SLC14A2: variants seen among roughly 807,000 people sequenced by gnomAD.
SLC14A2 encodes urea transporter 2.
Under a neutral mutation model 104.6 loss-of-function variants are expected in SLC14A2, and 91 were observed. That is an observed-to-expected ratio of 0.87 (90% CI 0.73 to 1.04). The LOEUF is 1.04. Ranked by LOEUF, SLC14A2 falls within the 50% of genes least tolerant of loss-of-function variation. SLC14A2 has a pLI of 0.00. For synonymous variants in SLC14A2, 476 were observed against 466.4 expected (o/e 1.02, Z -0.27); for missense variants, 1,189 against 1,156.0 (o/e 1.03, Z -0.41).
At chr18:45,387,588 T>C (rs2085911962) in intron 1 of SLC14A2, among the ~76,000 whole-genome samples, 1 of 152,212 alleles carries the variant, frequency 6.6e-6, no homozygotes, top group African/African-American at 2.4e-5. Flanking sequence ...CAATATCATA[T>C]TTTGAAATAC....
intron 1 of SLC14A2, among the ~76,000 whole-genome samples, chr18:45,243,981 G>A (rs1222041692): frequency 2.6e-5 from 4 of 152,138 alleles, no homozygotes; most frequent in Non-Finnish European, 4.4e-5. Context: ...TGAGGTGTCT[G>A]ATTTATATAA....
chr18:45,289,138 G>A (rs1046888033), intron 1 of SLC14A2, among the ~76,000 whole-genome samples: 1 of 152,196 alleles, frequency 6.6e-6, no homozygotes, highest in Non-Finnish European at 1.5e-5. Flanking sequence ...AGTGCTGGCA[G>A]GGGCTGGGTA....
intron 2 of SLC14A2, among the ~76,000 whole-genome samples, chr18:45,510,688 A>G (rs931796936): frequency 6.6e-6 from 1 of 151,872 alleles, no homozygotes; most frequent in Non-Finnish European, 1.5e-5. Flanking sequence ...AGAGGCATAG[A>G]GATGCCCAAA....
chr18:45,629,179 G>C (rs186181361), intron 4 of SLC14A2, among the ~76,000 whole-genome samples: 3 of 152,216 alleles, frequency 2.0e-5, no homozygotes, highest in African/African-American at 7.2e-5. Flanking sequence ...CCCAGCCGAC[G>C]TTCCTCATTC....
chr18:45,266,522 A>C (rs2084593695), intron 1 of SLC14A2, among the ~76,000 whole-genome samples: 1 of 152,102 alleles, frequency 6.6e-6, no homozygotes, highest in Admixed American at 6.6e-5. Flanking sequence ...TGGCCTCTTC[A>C]TAATTATTAG....
intron 1 of SLC14A2, among the ~76,000 whole-genome samples, chr18:45,349,084 GT>G (rs1244545269): frequency 1.3e-5 from 2 of 152,190 alleles, no homozygotes; most frequent in Non-Finnish European, 2.9e-5. Context: ...GTGTAATGGA[GT>G]TTCACCATGT....
intron 2 of SLC14A2, among the ~76,000 whole-genome samples, chr18:45,556,895 AC>A (rs2044139962): frequency 6.6e-6 from 1 of 152,218 alleles, no homozygotes; most frequent in Non-Finnish European, 1.5e-5. Flanking sequence ...ATTGCCAAAA[AC>A]TTTATGCATA....
At chr18:45,582,963 A>G (rs1204560516) in intron 2 of SLC14A2, among the ~76,000 whole-genome samples, 1 of 151,962 alleles carries the variant, frequency 6.6e-6, no homozygotes, top group Non-Finnish European at 1.5e-5. Context: ...CTCACCACCC[A>G]CCCACCAGGG....
intron 2 of SLC14A2, among the ~76,000 whole-genome samples, chr18:45,530,556 C>T (rs2043667985): frequency 6.6e-6 from 1 of 152,074 alleles, no homozygotes; most frequent in Non-Finnish European, 1.5e-5. Flanking sequence ...ATCTAGTCTT[C>T]TGTAAGTCTT....
At chr18:45,354,254 T>C (rs368807932) in intron 1 of SLC14A2, among the ~76,000 whole-genome samples, 3 of 152,276 alleles carry the variant, frequency 2.0e-5, no homozygotes, top group East Asian at 3.9e-4. Flanking sequence ...TAGCATTCTA[T>C]TTACCAGATC....
Position 45,637,008 on chromosome 18 carries a change from C to G in SLC14A2, c.669C>G (p.Ala223=), listed in dbSNP as rs140658394. The change falls in exon 6 of 20, where the codon GCC becomes GCG. Residue 223 remains alanine (A), a synonymous_variant. Coordinates refer to ENST00000255226, the MANE Select transcript of SLC14A2 (RefSeq NM_007163.4). ...TAMSCPVLSS[A]LNSIFSKWDL... ...TCTTCAGCCCAGTTCTTTCTAGTGC[C>G]TTGAATTCCATCTTCAGCAAGTGGG... The G allele has an allele frequency of 1.2e-6, 2 of 1,614,036 alleles. No individual in the cohort carries two copies. Among genetic ancestry groups the G allele is most frequent in the Non-Finnish European group, 1.7e-6 (2 of 1,179,922 alleles).
chr18:45,356,015 G>T (rs2085550537), intron 1 of SLC14A2, among the ~76,000 whole-genome samples: 1 of 152,204 alleles, frequency 6.6e-6, no homozygotes, highest in Non-Finnish European at 1.5e-5. Context: ...GTCCAGGACT[G>T]CTGAGAACAT....
intron 4 of SLC14A2, among the ~76,000 whole-genome samples, chr18:45,627,475 T>C (rs1257829611): frequency 6.6e-6 from 1 of 152,114 alleles, no homozygotes; most frequent in Non-Finnish European, 1.5e-5. Context: ...CTCAGAATAA[T>C]ACAGGACAGT....
intron 2 of SLC14A2, among the ~76,000 whole-genome samples, chr18:45,606,070 G>A (rs755173853): frequency 1.3e-4 from 20 of 152,074 alleles, no homozygotes; most frequent in Admixed American, 2.6e-4. Flanking sequence ...AGCTGGAGGC[G>A]GGGAGGTGAT....
At chr18:45,644,817 A>T (rs2045591251) in intron 10 of SLC14A2, among the ~76,000 whole-genome samples, 1 of 152,164 alleles carries the variant, frequency 6.6e-6, no homozygotes, top group African/African-American at 2.4e-5. Context: ...GAGGATAAGC[A>T]TTTCTTAGTT....
At chr18:45,191,602 C>T in the SLC14A2 span, among the ~76,000 whole-genome samples, 1 of 152,316 alleles carries the variant, frequency 6.6e-6, no homozygotes, top group East Asian at 1.9e-4. Flanking sequence ...TTGGGGACTT[C>T]AGCCAGGGTC....
chr18:45,377,688 A>G (rs1201219703), intron 1 of SLC14A2, among the ~76,000 whole-genome samples: 1 of 152,080 alleles, frequency 6.6e-6, no homozygotes, highest in Non-Finnish European at 1.5e-5. Flanking sequence ...TACCTCTAAG[A>G]CACCTGCATT....
At chr18:45,640,511 A>C (rs1281162250) in intron 7 of SLC14A2, among the ~76,000 whole-genome samples, 1 of 152,148 alleles carries the variant, frequency 6.6e-6, no homozygotes, top group Non-Finnish European at 1.5e-5. Flanking sequence ...TAATATTGCT[A>C]CCTGTGTATA....
At chr18:45,486,590 C>T (rs2087610879) in intron 2 of SLC14A2, among the ~76,000 whole-genome samples, 1 of 152,182 alleles carries the variant, frequency 6.6e-6, no homozygotes, top group Admixed American at 6.5e-5. Context: ...ATAAATTGGT[C>T]ACCAGCTGAG....
Sources: gnomAD v4.1 joint callset for allele counts (sites outside exome capture counted in the v4.1 genomes callset) on GRCh38, gnomAD v4.1.1 for gene constraint, MANE v1.5 for transcripts, NCBI Gene and HGNC (gene_info 2026-07-23, HGNC 2026-07-21) for gene names.